The following CDH18 variants were observed in gnomAD, a reference collection of about 807,000 sequenced individuals.
CDH18 encodes the protein cadherin-18.
CDH18 carries 31 observed loss-of-function variants against 67.9 expected under a neutral mutation model. The ratio of observed to expected loss-of-function variants is 0.46; its 90% confidence interval spans 0.34 to 0.62. CDH18 has a LOEUF of 0.62. Ranked by LOEUF, CDH18 falls within the 20% of genes least tolerant of loss-of-function variation. The probability of loss-of-function intolerance (pLI) is 0.01; values close to 1 mark genes in which losing one functional copy is unlikely to be tolerated. For synonymous variants in CDH18, 362 were observed against 347.2 expected (o/e 1.04, Z -0.48); for missense variants, 890 against 975.5 (o/e 0.91, Z 1.17).
At chr5:20,128,483 C>A (rs897878371) in intron 2 of CDH18, among the ~76,000 whole-genome samples, 1 of 152,040 alleles carries the variant, frequency 6.6e-6, no homozygotes, top group African/African-American at 2.4e-5. Context: ...TACAGTGCTG[C>A]AGTGTTCTGA....
chr5:20,108,050 T>A (rs1006560146), intron 2 of CDH18, among the ~76,000 whole-genome samples: 1 of 151,788 alleles, frequency 6.6e-6, no homozygotes, highest in Admixed American at 6.6e-5. Context: ...TTTACATTAA[T>A]CGCCTCTTTG....
chr5:20,476,491 A>G (rs1399230744), intron 1 of CDH18, among the ~76,000 whole-genome samples: 2 of 152,164 alleles, frequency 1.3e-5, no homozygotes, highest in Non-Finnish European at 1.5e-5. Flanking sequence ...TAATTATATT[A>G]TCCAGTTTTG....
At chr5:19,612,898 T>C (rs542663970) in intron 5 of CDH18, among the ~76,000 whole-genome samples, 61 of 152,042 alleles carry the variant, frequency 4.0e-4, no homozygotes, top group Non-Finnish European at 7.4e-4. Context: ...CCCAGCACTT[T>C]GGGAGGCCAA....
At chr5:20,241,481 C>G (rs1178126376) in intron 2 of CDH18, among the ~76,000 whole-genome samples, 1 of 152,098 alleles carries the variant, frequency 6.6e-6, no homozygotes, top group Non-Finnish European at 1.5e-5. Context: ...CAGAGGTGCT[C>G]TGATGGCAAA....
chr5:19,961,972 C>T (rs12186538), intron 2 of CDH18, among the ~76,000 whole-genome samples: 1 of 151,500 alleles, frequency 6.6e-6, no homozygotes, highest in Non-Finnish European at 1.5e-5. Flanking sequence ...AATTTGGAAA[C>T]TTTTGTTAAC....
intron 2 of CDH18, among the ~76,000 whole-genome samples, chr5:20,076,889 A>C (rs1743991898): frequency 6.6e-6 from 1 of 152,216 alleles, no homozygotes; most frequent in South Asian, 2.1e-4. Flanking sequence ...TGAAACTAAT[A>C]AATATATGGA....
intron 5 of CDH18, among the ~76,000 whole-genome samples, chr5:19,717,206 G>T (rs906255879): frequency 5.3e-5 from 8 of 152,028 alleles, no homozygotes; most frequent in Non-Finnish European, 7.4e-5. Flanking sequence ...TTGGTCATCA[G>T]GAAGATTCAG....
At chr5:20,157,442 T>A (rs1046474058) in intron 2 of CDH18, among the ~76,000 whole-genome samples, 2 of 152,162 alleles carry the variant, frequency 1.3e-5, no homozygotes, top group Non-Finnish European at 2.9e-5. Context: ...TTTATTTTTT[T>A]ATTTATTTTC....
chr5:20,485,301 G>A (rs991535272), intron 1 of CDH18, among the ~76,000 whole-genome samples: 1 of 152,050 alleles, frequency 6.6e-6, no homozygotes, highest in Non-Finnish European at 1.5e-5. Context: ...TATACTGTAG[G>A]CTTTCCATTG....
intron 1 of CDH18, among the ~76,000 whole-genome samples, chr5:20,484,657 T>G (rs886069534): frequency 4.6e-5 from 7 of 152,052 alleles, no homozygotes; most frequent in African/African-American, 1.2e-4. Flanking sequence ...GAGGTCCTTA[T>G]GTTAAGTGAA....
At chr5:20,339,348 C>A (rs2150040736) in intron 1 of CDH18, among the ~76,000 whole-genome samples, 1 of 152,272 alleles carries the variant, frequency 6.6e-6, no homozygotes, top group East Asian at 1.9e-4. Flanking sequence ...CGGACCTTTT[C>A]TGCAAACATG....
At chr5:20,266,508 A>T (rs1040305600) in intron 1 of CDH18, among the ~76,000 whole-genome samples, 5 of 144,424 alleles carry the variant, frequency 3.5e-5, no homozygotes, top group African/African-American at 1.3e-4. Flanking sequence ...GGTTCAAGTG[A>T]TTCTCTTGCC....
intron 11 of CDH18, among the ~76,000 whole-genome samples, chr5:19,484,722 C>T (rs1740075068): frequency 1.3e-5 from 2 of 152,294 alleles, no homozygotes; most frequent in Non-Finnish European, 1.5e-5. Flanking sequence ...ATAGGGTCAG[C>T]CATTAAGAGA....
chr5:19,829,976 G>C (rs193057692), intron 3 of CDH18, among the ~76,000 whole-genome samples: 1 of 151,996 alleles, frequency 6.6e-6, no homozygotes, highest in Admixed American at 6.6e-5. Flanking sequence ...CTAGGATAAC[G>C]GTATAGCCAT....
intron 8 of CDH18, among the ~76,000 whole-genome samples, chr5:19,545,280 TAAAG>T (rs1348394273): frequency 2.0e-5 from 3 of 152,128 alleles, no homozygotes; most frequent in Admixed American, 6.6e-5. Context: ...AGATCGAAAT[TAAAG>T]AAACAGTTTC....
At chr5:19,516,982 T>G (rs1746126033) in intron 10 of CDH18, among the ~76,000 whole-genome samples, 2 of 152,162 alleles carry the variant, frequency 1.3e-5, no homozygotes, top group South Asian at 4.1e-4. Flanking sequence ...ATTTCATATC[T>G]CTGTGGGAAA....
At chr5:20,059,421 G>C (rs375930699) in intron 2 of CDH18, among the ~76,000 whole-genome samples, 1 of 151,968 alleles carries the variant, frequency 6.6e-6, no homozygotes, top group African/African-American at 2.4e-5. Context: ...TGTGATGTTA[G>C]GGTATCAATT....
chr5:20,057,535 G>A (rs1306058493), intron 2 of CDH18, among the ~76,000 whole-genome samples: 2 of 151,974 alleles, frequency 1.3e-5, no homozygotes, highest in Non-Finnish European at 2.9e-5. Context: ...TCCATGCACT[G>A]GGGTTACAAA....
intron 6 of CDH18, among the ~76,000 whole-genome samples, chr5:19,602,444 T>C (rs1405120882): frequency 2.0e-5 from 3 of 151,646 alleles, no homozygotes; most frequent in Non-Finnish European, 4.4e-5. Context: ...CAAACTATTA[T>C]AAGTTAACAC....
Sources: allele counts gnomAD v4.1 joint callset (sites outside exome capture counted in the v4.1 genomes callset), GRCh38; gene constraint gnomAD v4.1.1; transcripts MANE v1.5; gene names NCBI Gene and HGNC (gene_info 2026-07-23, HGNC 2026-07-21).